ORM2: variants seen among roughly 807,000 people sequenced by gnomAD.
ORM2 encodes alpha-1-acid glycoprotein 2.
A neutral mutation model predicts 26.8 loss-of-function variants in ORM2; 19 were observed. That is an observed-to-expected ratio of 0.71 (90% CI 0.49 to 1.04). ORM2 has a LOEUF of 1.04. Among genes scored for constraint, ORM2 ranks in the 50% least tolerant of loss-of-function variants. The pLI is 0.00. For missense variants in ORM2, 259 were observed against 244.9 expected, an observed-to-expected ratio of 1.06 and a Z score of -0.39; for synonymous variants, 94 against 100.0, an observed-to-expected ratio of 0.94 and a Z score of 0.36.
At chr9:114,331,238 G>A (rs1829845851) in intron 3 of ORM2, among the ~76,000 whole-genome samples, 1 of 152,050 alleles carries the variant, frequency 6.6e-6, no homozygotes, top group Non-Finnish European at 1.5e-5. Context: ...CACCGCAGAG[G>A]TGGCACATGG....
At chr9:114,332,921 C>T (rs1030157703) in intron 5 of ORM2, 148 bp from the exon 6 acceptor site, 1 of 723,068 alleles carries the variant, frequency 1.4e-6, no homozygotes, top group Non-Finnish European at 2.3e-6. Flanking sequence ...CCAAGATCAC[C>T]CAGCTGGGAA....
In ORM2 at chr9:114,331,894, C is replaced by T; in HGVS notation, c.505C>T (p.Pro169Ser). Residue 169 changes from proline (P) to serine (S), a missense_variant, in exon 5 of 6, where the codon CCC (proline) becomes TCC (serine). Physicochemically the swap from Pro to Ser is moderately conservative, Grantham distance 74. This residue lies in a region of ORM2 where 251 missense variants were observed against 220.5 expected (regional missense o/e 1.14). Transcript: ENST00000431067. ...CGAAGCTCTCGACTGCTTGTGCATT[C>T]CCAGGTCAGATGTCATGTACACCGA... The part of the protein sequence containing the change: ...FYEALDCLCI[P>S]RSDVMYTDWK... 1.2e-6 allele frequency: 2 copies of T among 1,613,874 alleles called. No individual in the cohort carries two copies. Among genetic ancestry groups the T allele is most frequent in the Admixed American group, 3.3e-5 (2 of 60,014 alleles).
chr9:114,330,113 T>C (rs764773793), intron 1 of ORM2, 95 bp downstream of exon 1: 2 of 1,606,748 alleles, frequency 1.2e-6, no homozygotes, highest in Non-Finnish European at 8.5e-7. Context: ...GCACCCCCAC[T>C]CCCAGCTCTG....
chr9:114,331,181 A>G (rs532542503), intron 3 of ORM2, among the ~76,000 whole-genome samples: 64 of 152,214 alleles, frequency 4.2e-4, no homozygotes, highest in African/African-American at 1.5e-3. Context: ...AACCAATGGT[A>G]GAAGCCTGTA....
intron 5 of ORM2, among the ~76,000 whole-genome samples, chr9:114,332,588 C>G (rs1829874702): frequency 6.6e-6 from 1 of 152,010 alleles, no homozygotes; most frequent in South Asian, 2.1e-4. Flanking sequence ...AGATGACCAC[C>G]AGGGATGTGA....
intron 5 of ORM2, among the ~76,000 whole-genome samples, chr9:114,332,361 AC>A (rs1035694803): frequency 3.9e-5 from 6 of 152,054 alleles, no homozygotes; most frequent in African/African-American, 1.5e-4. Context: ...GGCCACAGTC[AC>A]CATCCCGATT....
chr9:114,332,369 G>A (rs543001518), intron 5 of ORM2, among the ~76,000 whole-genome samples: 46 of 152,160 alleles, frequency 3.0e-4, no homozygotes, highest in African/African-American at 9.9e-4. Context: ...TCACCATCCC[G>A]ATTTTTGCTA....
chr9:114,331,414 G>A (rs533146164), intron 3 of ORM2, among the ~76,000 whole-genome samples, 153 bp from the exon 4 acceptor site: 15 of 152,072 alleles, frequency 9.9e-5, no homozygotes, highest in South Asian at 2.1e-4. Context: ...AGCTGGGCAC[G>A]CAGCAGGGGC....
rs373305937 is a variant in ORM2 at position 114,331,515 on chromosome 9, G to A, written c.329-52G>A. ...CTAGGACTCCTCACCTGTAAGACAG[G>A]CACCATTGTGCCATCCCATGTTCTC... On this transcript the variant is annotated intron_variant, in intron 3 of 5. Coordinates refer to ENST00000431067, the MANE Select transcript of ORM2 (RefSeq NM_000608.4). 652 of 1,445,438 alleles carry A rather than the reference G, an allele frequency of 4.5e-4. 1 individual carries two copies. The highest frequency in any genetic ancestry group is 1.5e-3 in the South Asian group (128 of 86,164). 89.5% of individuals were successfully genotyped at this position (1,445,438 alleles called of 1,614,324 possible). A position where few individuals can be genotyped will look rare whatever the true frequency, so the allele number is the denominator to read the frequency against.
At position 114,331,920 on chromosome 9, in the gene ORM2, C is replaced by A. The variant is rs1826232; in HGVS notation, c.531C>A (p.Asp177Glu). ...CIPRSDVMYT[D>E]WKKDKCEPLE... The stretch of plus-strand genomic sequence containing the variant: ...CCAGGTCAGATGTCATGTACACCGA[C>A]TGGAAAAAGGTAAACGCAAGGGATT... Residue 177 changes from aspartate (D) to glutamate (E), a missense_variant, in exon 5 of 6, where the codon GAC (aspartate) becomes GAA (glutamate). Coordinates refer to ENST00000431067, the MANE Select transcript of ORM2 (RefSeq NM_000608.4). The A allele has an allele frequency of 1.9e-6, 3 of 1,613,064 alleles. No individual in the cohort carries two copies. Among genetic ancestry groups the A allele is most frequent in the South Asian group, 1.1e-5 (1 of 91,064 alleles).
intron 5 of ORM2, among the ~76,000 whole-genome samples, chr9:114,332,282 G>A (rs373963857): frequency 1.9e-3 from 282 of 151,366 alleles, no homozygotes; most frequent in Middle Eastern, 3.4e-3. Flanking sequence ...TCCACTCCCC[G>A]CTCATTTTTA....
At chr9:114,330,249 G>T in intron 1 of ORM2, 185 bp from the exon 2 acceptor site, 1 of 750,402 alleles carries the variant, frequency 1.3e-6, no homozygotes, top group South Asian at 1.5e-5. Flanking sequence ...TCTGTGCTGG[G>T]CCTGGAGGGG....
rs1487962764 is a variant in ORM2, at chr9:114,329,911, C to G, written c.7C>G (p.Leu3Val). The G allele has an allele frequency of 7.2e-7, 1 of 1,395,530 alleles. No individual in the cohort carries two copies. Among genetic ancestry groups the G allele is most frequent in the Non-Finnish European group, 9.5e-7 (1 of 1,054,192 alleles). The allele number at this position is 1,395,530 out of a possible 1,614,324, so 86.4% of individuals were successfully genotyped here. MA[L>V]SWVLTVLSLL... ...CGTGCCTCCTGGTCTCAGTATGGCGCTGTCCTGGGTTCTTACAGTCCTGAG... is the reference window on the plus strand; with the variant it reads ...CGTGCCTCCTGGTCTCAGTATGGCGGTGTCCTGGGTTCTTACAGTCCTGAG... Residue 3 changes from leucine (L) to valine (V), a missense_variant, in exon 1 of 6, where the codon CTG becomes GTG. Leu to Val is a conservative substitution (Grantham distance 32, BLOSUM62 1). Transcript: ENST00000431067.
rs748434306 is a variant in ORM2 at position 114,329,913 on chromosome 9, G to C, written c.9G>C (p.Leu3=). The C allele has an allele frequency of 4.2e-6, 6 of 1,416,718 alleles. No homozygotes were observed. The highest frequency in any genetic ancestry group is 5.6e-6 in the Non-Finnish European group (6 of 1,068,550). The allele number at this position is 1,416,718 out of a possible 1,614,324, so 87.8% of individuals were successfully genotyped here. A position where few individuals can be genotyped will look rare whatever the true frequency, so the allele number is the denominator to read the frequency against. Reference sequence around the variant, plus strand: ...TGCCTCCTGGTCTCAGTATGGCGCTGTCCTGGGTTCTTACAGTCCTGAGCC... The same window carrying C: ...TGCCTCCTGGTCTCAGTATGGCGCTCTCCTGGGTTCTTACAGTCCTGAGCC... MA[L]SWVLTVLSLL... Residue 3 remains leucine, a synonymous_variant, in exon 1 of 6, where the codon CTG becomes CTC. Coordinates refer to ENST00000431067, the MANE Select transcript of ORM2 (RefSeq NM_000608.4).
In ORM2 at chr9:114,331,912, T is replaced by C. The variant is rs763635713; in HGVS notation, c.523T>C (p.Tyr175His). 2 of 1,613,702 alleles carry C rather than the reference T, an allele frequency of 1.2e-6. No homozygotes were observed. The highest frequency in any genetic ancestry group is 2.2e-5 in the South Asian group (2 of 91,082). Reference sequence around the variant, plus strand: ...GTGCATTCCCAGGTCAGATGTCATGTACACCGACTGGAAAAAGGTAAACGC... The same window carrying C: ...GTGCATTCCCAGGTCAGATGTCATGCACACCGACTGGAAAAAGGTAAACGC... ...CLCIPRSDVMYTDWKKDKCEP... is the reference protein window; with the variant it reads ...CLCIPRSDVMHTDWKKDKCEP... Residue 175 changes from tyrosine (Y) to histidine (H), a missense_variant, in exon 5 of 6, where the codon TAC becomes CAC. Tyr to His is a moderately conservative substitution (Grantham distance 83, BLOSUM62 2). This residue lies in a region of ORM2 where 251 missense variants were observed against 220.5 expected (regional missense o/e 1.14). Coordinates refer to ENST00000431067, the MANE Select transcript of ORM2 (RefSeq NM_000608.4).
intron 1 of ORM2, 119 bp downstream of exon 1, chr9:114,330,137 T>G (rs1383587601): frequency 6.4e-7 from 1 of 1,571,400 alleles, no homozygotes; most frequent in Admixed American, 1.9e-5. Context: ...TTTTCTCTTC[T>G]GGGTCCCCAG....
Position 114,330,475 on chromosome 9 carries a change from C to G in ORM2, c.156C>G (p.Asn52Lys), listed in dbSNP as rs778501228. 3.7e-6 allele frequency: 6 copies of G among 1,610,186 alleles called. 1 individual carries two copies. In the East Asian group the frequency reaches 8.9e-5, roughly 24 times the overall value. ...KWFYIASAFR[N>K]EEYNKSVQEI... ...TTTATATCGCATCGGCCTTTCGAAACGAGGAGTACAATAAGTCGGTTCAGG... is the reference window on the plus strand; with the variant it reads ...TTTATATCGCATCGGCCTTTCGAAAGGAGGAGTACAATAAGTCGGTTCAGG... The change falls in exon 2 of 6, where the codon AAC (asparagine) becomes AAG (lysine). Residue 52 changes from asparagine (N) to lysine (K), a missense_variant. Asn to Lys is a moderately conservative substitution (Grantham distance 94). Transcript: ENST00000431067.
chr9:114,331,498 C>T (rs892188199), intron 3 of ORM2, 69 bp from the exon 4 acceptor site: 42 of 1,304,526 alleles, frequency 3.2e-5, no homozygotes, highest in Non-Finnish European at 4.4e-5. Flanking sequence ...ACCTAGGACT[C>T]CTCACCTGTA....
intron 3 of ORM2, 113 bp from the exon 4 acceptor site, chr9:114,331,454 G>A (rs1829849627): frequency 2.5e-6 from 2 of 815,452 alleles, no homozygotes; most frequent in African/African-American, 1.7e-5. Flanking sequence ...AGGAGACCCG[G>A]GCCTTCACTG....
Sources: gnomAD v4.1 joint callset for allele counts (sites outside exome capture counted in the v4.1 genomes callset) on GRCh38, gnomAD v4.1.1 for gene constraint, gnomAD v4.1.1 regional missense constraint, MANE v1.5 for transcripts, NCBI Gene and HGNC (gene_info 2026-07-23, HGNC 2026-07-21) for gene names.